The following XKR4 variants were observed in gnomAD, a reference collection of about 807,000 sequenced individuals.
XKR4 encodes XK related 4, also known as XK-related protein 4.
A neutral mutation model predicts 53.9 loss-of-function variants in XKR4; 12 were observed. The ratio of observed to expected loss-of-function variants is 0.22; its 90% CI spans 0.14 to 0.36. The LOEUF is 0.36. XKR4 is among the 10% of genes least tolerant of loss of function. The pLI is 1.00. For synonymous variants in XKR4, 354 were observed against 362.4 expected (o/e 0.98, Z 0.26); for missense variants, 799 against 859.5 (o/e 0.93, Z 0.88).
chr8:55,308,179 G>A (rs1819334110), intron 1 of XKR4, among the ~76,000 whole-genome samples: 1 of 152,130 alleles, frequency 6.6e-6, no homozygotes, highest in African/African-American at 2.4e-5. Flanking sequence ...CTTGAACCCG[G>A]GAGGCATAGG....
intron 2 of XKR4, among the ~76,000 whole-genome samples, chr8:55,516,576 C>A (rs1738365889): frequency 6.6e-6 from 1 of 152,078 alleles, no homozygotes; most frequent in African/African-American, 2.4e-5. Flanking sequence ...ATGAGAAAAG[C>A]TACTGTATGG....
rs2129387097 is a variant in XKR4, at chr8:55,378,040, AG to A, written c.1006+20164del. ...CTTCATCGGGGGAATAGAAATTAAA[AG>A]TAACAGGGCTTGAGTACAAATGTTT... On this transcript the variant is annotated intron_variant, in intron 2 of 2. Transcript: ENST00000327381. Among the ~76,000 whole-genome samples the A allele has an allele frequency of 1.3e-5, 2 of 152,378 alleles. 1 individual carries two copies. Among genetic ancestry groups the A allele is most frequent in the South Asian group, 4.1e-4 (2 of 4,830 alleles).
intron 2 of XKR4, among the ~76,000 whole-genome samples, chr8:55,400,191 G>A (rs557903623): frequency 6.6e-6 from 1 of 152,258 alleles, no homozygotes; most frequent in South Asian, 2.1e-4. Flanking sequence ...TAGATCCTGA[G>A]GAAACTAACA....
intron 2 of XKR4, among the ~76,000 whole-genome samples, chr8:55,444,135 T>A (rs1161470561): frequency 2.6e-5 from 4 of 152,046 alleles, no homozygotes; most frequent in African/African-American, 9.7e-5. Context: ...AGCACCACTG[T>A]ACTCCAGCCT....
At chr8:55,147,654 G>A (rs894216712) in intron 1 of XKR4, among the ~76,000 whole-genome samples, 4 of 152,092 alleles carry the variant, frequency 2.6e-5, no homozygotes, top group Admixed American at 6.5e-5. Context: ...AATGTAGTGC[G>A]TATTAGAGCA....
chr8:55,279,525 A>G (rs892291425), intron 1 of XKR4, among the ~76,000 whole-genome samples: 1 of 152,338 alleles, frequency 6.6e-6, no homozygotes, highest in Admixed American at 6.5e-5. Context: ...ATTTTGTTAT[A>G]CATCAGAAGT....
At chr8:55,109,160 C>T (rs935840605) in intron 1 of XKR4, among the ~76,000 whole-genome samples, 2 of 152,126 alleles carry the variant, frequency 1.3e-5, no homozygotes, top group African/African-American at 2.4e-5. Context: ...ATCAACTGGG[C>T]TTCCTTAGAA....
chr8:55,210,559 A>G (rs4642623), intron 1 of XKR4, among the ~76,000 whole-genome samples: 119,395 of 152,198 alleles, frequency 0.78, 49,114 homozygotes, highest in Non-Finnish European at 0.92. Flanking sequence ...AGGTTTGTAA[A>G]TGATTATAAA....
intron 1 of XKR4, among the ~76,000 whole-genome samples, chr8:55,175,873 G>A (rs1817224856): frequency 6.6e-6 from 1 of 152,216 alleles, no homozygotes; most frequent in Non-Finnish European, 1.5e-5. Flanking sequence ...TCTAGGGAAA[G>A]TGCACATTTA....
intron 1 of XKR4, among the ~76,000 whole-genome samples, chr8:55,116,406 C>T (rs1284109277): frequency 6.6e-6 from 1 of 152,164 alleles, no homozygotes; most frequent in Non-Finnish European, 1.5e-5. Context: ...TTCCCCTCCT[C>T]ACAGTGACCC....
intron 1 of XKR4, among the ~76,000 whole-genome samples, chr8:55,283,042 A>G (rs1818862207): frequency 6.6e-6 from 1 of 152,204 alleles, no homozygotes; most frequent in South Asian, 2.1e-4. Flanking sequence ...GAGTTCAGTC[A>G]CATGCTGTAC....
chr8:55,200,710 T>C (rs1257369015), intron 1 of XKR4, among the ~76,000 whole-genome samples: 1 of 152,232 alleles, frequency 6.6e-6, no homozygotes. Flanking sequence ...AAGAAAGCCT[T>C]GCTATGAAAG....
chr8:55,389,567 T>A (rs1804415203), intron 2 of XKR4, among the ~76,000 whole-genome samples: 1 of 152,146 alleles, frequency 6.6e-6, no homozygotes, highest in Non-Finnish European at 1.5e-5. Flanking sequence ...ATGGAATAAA[T>A]CAATGGCAAA....
intron 2 of XKR4, among the ~76,000 whole-genome samples, chr8:55,494,340 C>T (rs1268082482): frequency 6.6e-6 from 1 of 152,234 alleles, no homozygotes; most frequent in Non-Finnish European, 1.5e-5. Context: ...GGGGAGTTCC[C>T]AGGTTTGGGC....
At chr8:55,153,374 T>C (rs954375596) in intron 1 of XKR4, among the ~76,000 whole-genome samples, 7 of 152,198 alleles carry the variant, frequency 4.6e-5, no homozygotes, top group African/African-American at 9.6e-5. Flanking sequence ...TCTCAAAGCA[T>C]TGGACTCTTA....
At chr8:55,444,677 T>C (rs192224272) in intron 2 of XKR4, among the ~76,000 whole-genome samples, 1 of 152,094 alleles carries the variant, frequency 6.6e-6, no homozygotes, top group Non-Finnish European at 1.5e-5. Flanking sequence ...ATGCCAAGGG[T>C]TGGTTAGTAT....
intron 2 of XKR4, among the ~76,000 whole-genome samples, chr8:55,367,751 C>A (rs1242773820): frequency 2.0e-5 from 3 of 152,098 alleles, no homozygotes; most frequent in African/African-American, 7.2e-5. Context: ...TTTTTCCTCA[C>A]CCCCGATCCA....
chr8:55,496,672 T>C (rs906349971), intron 2 of XKR4, among the ~76,000 whole-genome samples: 3 of 152,216 alleles, frequency 2.0e-5, no homozygotes, highest in African/African-American at 7.2e-5. Context: ...GCAAAAACTA[T>C]GTAGGCTTTT....
At chr8:55,422,678 C>T (rs768579744) in intron 2 of XKR4, among the ~76,000 whole-genome samples, 8 of 152,154 alleles carry the variant, frequency 5.3e-5, no homozygotes, top group Admixed American at 1.3e-4. Context: ...TTATTATTAA[C>T]GCCTCAGACT....
Sources: allele counts gnomAD v4.1 joint callset (sites outside exome capture counted in the v4.1 genomes callset), GRCh38; gene constraint gnomAD v4.1.1; transcripts MANE v1.5; gene names NCBI Gene and HGNC (gene_info 2026-07-23, HGNC 2026-07-21).